The following DEPTOR variants were observed in gnomAD, a reference collection of about 807,000 sequenced individuals.
The protein encoded by DEPTOR is DEP domain containing MTOR interacting protein.
In DEPTOR, 41 loss-of-function variants were observed where a neutral mutation model predicts 41.6. The ratio of observed to expected loss-of-function variants is 0.98; its 90% CI spans 0.77 to 1.28. The LOEUF (loss-of-function observed/expected upper bound fraction) is 1.28. DEPTOR is among the 50% of genes most tolerant of loss of function. The pLI is 0.00. For synonymous variants in DEPTOR, 195 were observed against 192.3 expected (o/e 1.01, Z -0.12); for missense variants, 514 against 527.9 (o/e 0.97, Z 0.26).
chr8:119,896,186 C>A (rs1827518049), intron 1 of DEPTOR, among the ~76,000 whole-genome samples: 1 of 152,114 alleles, frequency 6.6e-6, no homozygotes, highest in African/African-American at 2.4e-5. Flanking sequence ...TACTATGTGA[C>A]CAGTAGTGGC....
At chr8:119,999,292 A>G (rs1812313676) in intron 4 of DEPTOR, among the ~76,000 whole-genome samples, 1 of 151,820 alleles carries the variant, frequency 6.6e-6, no homozygotes, top group Non-Finnish European at 1.5e-5. Flanking sequence ...AGAAAAAAAA[A>G]GGAAATAAAA....
chr8:120,019,562 G>A (rs1812666867), intron 8 of DEPTOR, among the ~76,000 whole-genome samples: 1 of 152,124 alleles, frequency 6.6e-6, no homozygotes, highest in South Asian at 2.1e-4. Context: ...GTAACTTTTG[G>A]CAAATTGTCT....
chr8:120,048,107 C>T (rs1431038701), intron 8 of DEPTOR, among the ~76,000 whole-genome samples: 2 of 151,930 alleles, frequency 1.3e-5, no homozygotes, highest in East Asian at 1.9e-4. Flanking sequence ...AGGGAGCCTG[C>T]GAAGGGTCAG....
At chr8:119,984,257 C>A (rs1338525160) in intron 4 of DEPTOR, among the ~76,000 whole-genome samples, 4 of 151,992 alleles carry the variant, frequency 2.6e-5, no homozygotes, top group Non-Finnish European at 5.9e-5. Flanking sequence ...CGCTACTAGG[C>A]CTTTTATTTT....
chr8:119,981,435 C>T (rs1378390204), intron 4 of DEPTOR, among the ~76,000 whole-genome samples: 1 of 150,150 alleles, frequency 6.7e-6, no homozygotes, highest in Non-Finnish European at 1.5e-5. Context: ...GGCAGGCAAT[C>T]GTTTGAGGCC....
At chr8:120,022,643 A>G (rs1812738454) in intron 8 of DEPTOR, among the ~76,000 whole-genome samples, 1 of 152,178 alleles carries the variant, frequency 6.6e-6, no homozygotes, top group South Asian at 2.1e-4. Context: ...AGGACTCTTC[A>G]AAGCTAGATA....
chr8:120,042,075 C>T (rs1040624996), intron 8 of DEPTOR, among the ~76,000 whole-genome samples: 1 of 144,072 alleles, frequency 6.9e-6, no homozygotes, highest in Admixed American at 7.0e-5. Flanking sequence ...GAAACAGATC[C>T]GATAAAGATA....
At chr8:119,980,544 T>C (rs971195581) in intron 4 of DEPTOR, among the ~76,000 whole-genome samples, 1 of 148,678 alleles carries the variant, frequency 6.7e-6, no homozygotes, top group African/African-American at 2.5e-5. Context: ...GGAGATGGAG[T>C]TTTGTTCTTG....
chr8:120,041,672 G>A (rs1023330211), intron 8 of DEPTOR, among the ~76,000 whole-genome samples: 35 of 152,094 alleles, frequency 2.3e-4, no homozygotes, highest in African/African-American at 7.7e-4. Context: ...AGAGTAGCTG[G>A]GATTACAGGC....
chr8:119,965,634 G>T (rs1828549433), intron 4 of DEPTOR, among the ~76,000 whole-genome samples: 1 of 152,146 alleles, frequency 6.6e-6, no homozygotes, highest in Non-Finnish European at 1.5e-5. Context: ...GTGATGTGTT[G>T]TTTTTAATAA....
At chr8:120,024,166 G>A (rs372913483) in intron 8 of DEPTOR, among the ~76,000 whole-genome samples, 28 of 152,266 alleles carry the variant, frequency 1.8e-4, no homozygotes, top group African/African-American at 6.7e-4. Context: ...GACCCTGGGA[G>A]GTGGAGGTTG....
intron 1 of DEPTOR, among the ~76,000 whole-genome samples, chr8:119,890,701 T>G (rs1342903010): frequency 6.6e-6 from 1 of 152,166 alleles, no homozygotes; most frequent in Non-Finnish European, 1.5e-5. Context: ...ATATGTACAT[T>G]ATTTCCTTGA....
At chr8:119,924,660 G>C (rs968743814) in intron 1 of DEPTOR, among the ~76,000 whole-genome samples, 2 of 152,068 alleles carry the variant, frequency 1.3e-5, no homozygotes. Flanking sequence ...GGTAAAACAG[G>C]CCTAAATCAC....
chr8:119,956,907 T>C (rs1828425942), intron 3 of DEPTOR, among the ~76,000 whole-genome samples: 1 of 151,878 alleles, frequency 6.6e-6, no homozygotes, highest in Non-Finnish European at 1.5e-5. Context: ...GCTAATTTTT[T>C]TGTGTTTTTA....
intron 4 of DEPTOR, among the ~76,000 whole-genome samples, chr8:119,976,955 T>G (rs1285454679): frequency 6.6e-6 from 1 of 152,218 alleles, no homozygotes; most frequent in African/African-American, 2.4e-5. Context: ...TCATTTAATC[T>G]TCACAAGCAA....
intron 1 of DEPTOR, among the ~76,000 whole-genome samples, chr8:119,922,842 G>A (rs911078273): frequency 6.6e-6 from 1 of 152,156 alleles, no homozygotes; most frequent in Non-Finnish European, 1.5e-5. Flanking sequence ...ACATTTTGGG[G>A]TGAAATCTGT....
chr8:119,929,924 G>T lies in DEPTOR; in HGVS notation c.411G>T (p.Gln137His), dbSNP rs1390697439. 6.2e-7 allele frequency: 1 copy of T among 1,612,254 alleles called. No individual in the cohort carries two copies. The highest frequency in any genetic ancestry group is 8.5e-7 in the Non-Finnish European group (1 of 1,178,762). Reference sequence around the variant, plus strand: ...AAGTGAAGGCCTTTATGAGAGGACAGAGGCTATATGAAAAGTATGTTCCGC... The same window carrying T: ...AAGTGAAGGCCTTTATGAGAGGACATAGGCTATATGAAAAGTATGTTCCGC... The part of the protein sequence containing the change: ...DNEVKAFMRG[Q>H]RLYEKLMSPE... Residue 137 changes from glutamine (Q) to histidine (H), a missense_variant, in exon 3 of 9, where the codon CAG becomes CAT. Coordinates refer to ENST00000286234, the MANE Select transcript of DEPTOR (RefSeq NM_022783.4).
intron 3 of DEPTOR, among the ~76,000 whole-genome samples, chr8:119,945,679 C>A (rs761789308): frequency 1.3e-5 from 2 of 152,170 alleles, no homozygotes; most frequent in Admixed American, 6.5e-5. Context: ...AATCCAAGAA[C>A]CCTAGCTGCC....
intron 1 of DEPTOR, among the ~76,000 whole-genome samples, chr8:119,900,138 G>T (rs904606264): frequency 2.0e-5 from 3 of 151,754 alleles, no homozygotes; most frequent in African/African-American, 7.3e-5. Flanking sequence ...GGCCAACATG[G>T]TAAAACCCCG....
Sources: gnomAD v4.1 joint callset for allele counts (sites outside exome capture counted in the v4.1 genomes callset) on GRCh38, gnomAD v4.1.1 for gene constraint, MANE v1.5 for transcripts, NCBI Gene and HGNC (gene_info 2026-07-23, HGNC 2026-07-21) for gene names.